The following GEMIN5 variants were observed in gnomAD, a reference collection of about 807,000 sequenced individuals.
The protein encoded by GEMIN5 is gem-associated protein 5.
Under a neutral mutation model 176.9 loss-of-function variants are expected in GEMIN5, and 124 were observed. The observed-to-expected ratio is 0.70, with a 90% CI of 0.61 to 0.81. GEMIN5 has a LOEUF of 0.81. Among genes scored for constraint, GEMIN5 ranks in the 40% least tolerant of loss-of-function variants. The pLI is 0.00. For missense variants in GEMIN5, 1,843 were observed against 1,814.6 expected, an observed-to-expected ratio of 1.02 and a Z score of -0.28; for synonymous variants, 673 against 665.2, an observed-to-expected ratio of 1.01 and a Z score of -0.18.
In GEMIN5 at chr5:154,905,484, A is replaced by G. The variant is rs1247760709; in HGVS notation, c.2396-8T>C. The G allele has an allele frequency of 2.9e-6, 4 of 1,389,772 alleles. No individual in the cohort carries two copies. In the South Asian group the frequency reaches 5.1e-5, roughly 18 times the overall value. The allele number at this position is 1,389,772 out of a possible 1,614,324, so 86.1% of individuals were successfully genotyped here. A position where few individuals can be genotyped will look rare whatever the true frequency, so the allele number is the denominator to read the frequency against. Reference sequence around the variant, plus strand: ...TAACTGGTTCTCTAGAAACTACATCATGGGGGAAAAAGGAAAAAAAAAGTT... The same window carrying G: ...TAACTGGTTCTCTAGAAACTACATCGTGGGGGAAAAAGGAAAAAAAAAGTT... On this transcript the variant is annotated splice_polypyrimidine_tract_variant and splice_region_variant and intron_variant, in intron 16 of 27. Coordinates refer to ENST00000285873, the MANE Select transcript of GEMIN5 (RefSeq NM_015465.5).
chr5:154,889,215 T>G (rs1448758402), intron 27 of GEMIN5, 106 bp downstream of exon 27: 3 of 637,788 alleles, frequency 4.7e-6, no homozygotes, highest in Non-Finnish European at 8.8e-6. Context: ...TGGGTAGAGA[T>G]TTTAGAAACT....
rs779041128 is a variant in GEMIN5, at chr5:154,888,330, G to A, written c.4407C>T (p.Leu1469=). 4 of 1,614,168 alleles carry A rather than the reference G, an allele frequency of 2.5e-6. No individual in the cohort carries two copies. The highest frequency in any genetic ancestry group is 2.5e-6 in the Non-Finnish European group (3 of 1,179,986). ...DVLECCLVLL[L]IRSHFPGCLA... ...GACAGCCAGGAAAGTGGGACCTGAT[G>A]AGAAGCAGGACGAGGCAGCACTCCA... Residue 1469 remains leucine (L), a synonymous_variant, in exon 28 of 28, where the codon CTC becomes CTT. Transcript: ENST00000285873.
chr5:154,893,734 T>C (rs1044526818), intron 24 of GEMIN5, among the ~76,000 whole-genome samples: 1 of 152,034 alleles, frequency 6.6e-6, no homozygotes, highest in Admixed American at 6.5e-5. Context: ...GATTCACCGA[T>C]ATTCTTCTTC....
intron 4 of GEMIN5, 53 bp from the exon 5 acceptor site, chr5:154,931,630 A>G: frequency 6.8e-7 from 1 of 1,469,482 alleles, no homozygotes; most frequent in Non-Finnish European, 9.3e-7. Context: ...ACGCACTAAT[A>G]TAAAAAAATT....
intron 20 of GEMIN5, 41 bp downstream of exon 20, chr5:154,902,498 T>C: frequency 1.2e-6 from 2 of 1,604,922 alleles, no homozygotes; most frequent in South Asian, 1.1e-5. Context: ...CTAGAGATGA[T>C]AGAGCTTTTG....
At chr5:154,893,016 G>A (rs1027690891) in intron 24 of GEMIN5, among the ~76,000 whole-genome samples, 1 of 152,108 alleles carries the variant, frequency 6.6e-6, no homozygotes, top group Non-Finnish European at 1.5e-5. Flanking sequence ...AGAATTGCTT[G>A]AACCCGGAAG....
At chr5:154,897,671 G>T (rs1319184518) in intron 23 of GEMIN5, among the ~76,000 whole-genome samples, 1 of 152,030 alleles carries the variant, frequency 6.6e-6, no homozygotes, top group South Asian at 2.1e-4. Flanking sequence ...ATTTTTAGTA[G>T]AGACAAGATT....
In GEMIN5 at chr5:154,905,384, C is replaced by T; in HGVS notation, c.2488G>A (p.Glu830Lys). The T allele has an allele frequency of 1.9e-6, 3 of 1,597,670 alleles. No homozygotes were observed. The highest frequency in any genetic ancestry group is 2.6e-6 in the Non-Finnish European group (3 of 1,168,838). ...CAACCTGGCTTCTCTTTTGGTGGCT[C>T]CTTTTTCAGTAAAATGACTTTGTTA... ...INNKVILLKK[E>K]PPKEKPETLI... Residue 830 changes from glutamate to lysine, a missense_variant, in exon 17 of 28, where the codon GAG becomes AAG. Coordinates refer to ENST00000285873, the MANE Select transcript of GEMIN5 (RefSeq NM_015465.5).
At position 154,905,443 on chromosome 5, in the gene GEMIN5, G is replaced by A; in HGVS notation, c.2429C>T (p.Ser810Phe). ...GACTTTTGACTTTTCAAAGCCTGAG[G>A]AAACTGGAGTGCAGATAACTGGTTC... ...SREPVICTPV[S>F]SGFEKSKVTI... Residue 810 changes from serine (S) to phenylalanine (F), a missense_variant, in exon 17 of 28, where the codon TCC (serine) becomes TTC (phenylalanine). Ser to Phe is a radical substitution (Grantham distance 155). Transcript: ENST00000285873. 6.2e-7 allele frequency: 1 copy of A among 1,604,346 alleles called. No homozygotes were observed. The highest frequency in any genetic ancestry group is 8.5e-7 in the Non-Finnish European group (1 of 1,173,458).
chr5:154,917,783 T>C (rs1763842261), intron 12 of GEMIN5, 148 bp downstream of exon 12: 7 of 645,944 alleles, frequency 1.1e-5, no homozygotes, highest in Non-Finnish European at 2.0e-5. Flanking sequence ...CACAAGGCAC[T>C]ACTGGATCAG....
intron 5 of GEMIN5, among the ~76,000 whole-genome samples, chr5:154,928,925 G>A (rs936810950): frequency 6.6e-5 from 10 of 151,844 alleles, no homozygotes; most frequent in Non-Finnish European, 1.5e-4. Flanking sequence ...AACGTATTAA[G>A]AGTATTTTTT....
intron 18 of GEMIN5, 111 bp downstream of exon 18, chr5:154,904,396 C>A (rs112531797): frequency 2.0e-6 from 2 of 977,298 alleles, no homozygotes; most frequent in African/African-American, 1.6e-5. Flanking sequence ...CATAAAAATA[C>A]AGAAAACAAT....
intron 16 of GEMIN5, among the ~76,000 whole-genome samples, chr5:154,906,123 G>C (rs1249581873): frequency 6.6e-6 from 1 of 151,982 alleles, no homozygotes; most frequent in Non-Finnish European, 1.5e-5. Flanking sequence ...CAGCCTCCCA[G>C]AGTGGCTAGG....
At position 154,924,482 on chromosome 5, in the gene GEMIN5, T is replaced by A; in HGVS notation, c.1366A>T (p.Thr456Ser). 6.2e-7 allele frequency: 1 copy of A among 1,607,220 alleles called. No homozygotes were observed. ...TDDGKVGLYD[T>S]YSNKPPQISS... ...CCCATTTCTTACTTGTTGGAGTAGG[T>A]GTCATACAATCCCACTTTTCCATCA... The change falls in exon 9 of 28, where the codon ACC (threonine) becomes TCC (serine). Residue 456 changes from threonine (T) to serine (S), a missense_variant. Physicochemically the swap from Thr to Ser is moderately conservative, Grantham distance 58 (BLOSUM62 1). Transcript: ENST00000285873.
At position 154,932,224 on chromosome 5, in the gene GEMIN5, A is replaced by G. The variant is rs763891528; in HGVS notation, c.536T>C (p.Ile179Thr). 14 of 1,610,822 alleles carry G rather than the reference A, an allele frequency of 8.7e-6. No individual in the cohort carries two copies. The highest frequency in any genetic ancestry group is 5.3e-5 in the African/African-American group (4 of 74,844). Reference sequence around the variant, plus strand: ...AACTTCTCCTTTCTTACTGATGTCAATTATCACCACTATGCCATCCTTGTA... The same window carrying G: ...AACTTCTCCTTTCTTACTGATGTCAGTTATCACCACTATGCCATCCTTGTA... ...IGYKDGIVVI[I>T]DISKKGEVIH... Residue 179 changes from isoleucine (I) to threonine (T), a missense_variant, in exon 4 of 28, where the codon ATT becomes ACT. By Grantham distance (89) the Ile-to-Thr change is moderately conservative. Coordinates refer to ENST00000285873, the MANE Select transcript of GEMIN5 (RefSeq NM_015465.5).
At chr5:154,895,335 G>GA (rs1561709660) in intron 24 of GEMIN5, among the ~76,000 whole-genome samples, 1 of 128,848 alleles carries the variant, frequency 7.8e-6, no homozygotes, top group Non-Finnish European at 1.7e-5. Flanking sequence ...TCTCCAGAAA[G>GA]GAAAAAAAAA....
chr5:154,889,262 A>T, intron 27 of GEMIN5, 59 bp downstream of exon 27: 1 of 849,048 alleles, frequency 1.2e-6, no homozygotes, highest in Non-Finnish European at 2.0e-6. Flanking sequence ...AGAATGTGGT[A>T]TAGTCAAGTG....
chr5:154,905,531 TTTCAGTTC>T, intron 16 of GEMIN5, 55 bp from the exon 17 acceptor site: 1 of 792,668 alleles, frequency 1.3e-6, no homozygotes, highest in South Asian at 1.8e-5. Flanking sequence ...TAATACAGAA[TTTCAGTTC>T]TTTGTAAAAA....
At chr5:154,907,347 A>C (rs1351796675) in intron 16 of GEMIN5, among the ~76,000 whole-genome samples, 1 of 152,184 alleles carries the variant, frequency 6.6e-6, no homozygotes, top group Non-Finnish European at 1.5e-5. Flanking sequence ...ACCTTGCCCA[A>C]GTTGAATAAG....
Sources: allele counts gnomAD v4.1 joint callset (sites outside exome capture counted in the v4.1 genomes callset), GRCh38; gene constraint gnomAD v4.1.1; transcripts MANE v1.5; gene names NCBI Gene and HGNC (gene_info 2026-07-23, HGNC 2026-07-21).